The following ATXN1 variants were observed in gnomAD, a reference collection of about 807,000 sequenced individuals.
ATXN1 encodes the protein ataxin-1.
A neutral mutation model predicts 56.4 loss-of-function variants in ATXN1; 8 were observed. That is an observed-to-expected ratio of 0.14 (90% CI 0.08 to 0.26). The LOEUF is 0.26. Among genes scored for constraint, ATXN1 ranks in the 10% least tolerant of loss-of-function variants. The pLI is 1.00. For missense variants in ATXN1, 987 were observed against 1,106.5 expected (o/e 0.89, Z 1.53); for synonymous variants, 514 against 494.6 (o/e 1.04, Z -0.52).
At chr6:16,456,335 A>C (rs778149088) in intron 6 of ATXN1, among the ~76,000 whole-genome samples, 8 of 152,088 alleles carry the variant, frequency 5.3e-5, no homozygotes, top group Non-Finnish European at 1.2e-4. Flanking sequence ...TTTTCCTTAG[A>C]ATTCAGGGGC....
At chr6:16,594,598 T>C (rs2113774236) in intron 3 of ATXN1, among the ~76,000 whole-genome samples, 1 of 152,040 alleles carries the variant, frequency 6.6e-6, no homozygotes, top group African/African-American at 2.4e-5. Flanking sequence ...TTCTCCTGCC[T>C]CAGCCTCCCG....
In ATXN1 at chr6:16,301,699, C is replaced by CA. The variant is rs1760104431; in HGVS notation, c.*4629dup. Reference sequence around the variant, plus strand: ...TTTTCACCTGGTGCAAATTGAAGTGCAAAGGGTTTCAGAAGGCAACAGACC... The same window carrying CA: ...TTTTCACCTGGTGCAAATTGAAGTGCAAAAGGGTTTCAGAAGGCAACAGACC... On this transcript the variant is annotated 3_prime_UTR_variant, in exon 8 of 8. Transcript: ENST00000436367. 2 of 152,462 alleles carry CA rather than the reference C, an allele frequency of 1.3e-5. No individual in the cohort carries two copies. The highest frequency in any genetic ancestry group is 4.8e-5 in the African/African-American group (2 of 41,430). The allele number at this position is 152,462 out of a possible 1,614,324, so 9.4% of individuals were successfully genotyped here.
At chr6:16,542,580 C>A in intron 4 of ATXN1, among the ~76,000 whole-genome samples, 1 of 152,158 alleles carries the variant, frequency 6.6e-6, no homozygotes, top group East Asian at 1.9e-4. Context: ...ACATTCCCAA[C>A]TACTTGGGAG....
intron 6 of ATXN1, among the ~76,000 whole-genome samples, chr6:16,439,619 T>C (rs1159261102): frequency 1.3e-5 from 2 of 152,100 alleles, no homozygotes; most frequent in African/African-American, 4.8e-5. Context: ...AAATAAAAAA[T>C]TGAGCTTGTT....
intron 3 of ATXN1, among the ~76,000 whole-genome samples, chr6:16,600,267 G>A (rs1762889580): frequency 6.6e-6 from 1 of 152,078 alleles, no homozygotes; most frequent in Admixed American, 6.5e-5. Context: ...ACCAATAAAA[G>A]CATCATCCGG....
At chr6:16,432,854 A>G (rs1302810216) in intron 6 of ATXN1, 2 of 152,180 alleles carry the variant, frequency 1.3e-5, no homozygotes, top group Admixed American at 1.3e-4. Flanking sequence ...CTGACATTCA[A>G]ACATTCCAAG....
At chr6:16,355,800 G>C (rs1370287929) in intron 6 of ATXN1, among the ~76,000 whole-genome samples, 1 of 152,126 alleles carries the variant, frequency 6.6e-6, no homozygotes, top group Non-Finnish European at 1.5e-5. Context: ...CTGACCTCAG[G>C]TGATCCACCC....
chr6:16,466,317 C>CAAAAAAA (rs200261208), intron 6 of ATXN1, among the ~76,000 whole-genome samples: 13 of 79,854 alleles, frequency 1.6e-4, no homozygotes, highest in Non-Finnish European at 2.2e-4. Context: ...GACCCCATCT[C>CAAAAAAA]AAAAAAAAAA....
intron 5 of ATXN1, among the ~76,000 whole-genome samples, chr6:16,510,431 A>C (rs1761062233): frequency 6.6e-6 from 1 of 152,238 alleles, no homozygotes; most frequent in Non-Finnish European, 1.5e-5. Context: ...GATCATTGTG[A>C]GTGACTAATG....
intron 6 of ATXN1, among the ~76,000 whole-genome samples, chr6:16,431,131 G>A (rs1759275358): frequency 6.6e-6 from 1 of 152,044 alleles, no homozygotes; most frequent in African/African-American, 2.4e-5. Context: ...TTTTTTGGGG[G>A]AAATGGGTGT....
intron 4 of ATXN1, among the ~76,000 whole-genome samples, chr6:16,574,956 G>A (rs532467219): frequency 1.0e-3 from 159 of 151,880 alleles, no homozygotes; most frequent in African/African-American, 3.8e-3. Context: ...AAGGGGAGGG[G>A]TCAGTTATTT....
At chr6:16,584,476 G>C (rs1036110719) in intron 4 of ATXN1, among the ~76,000 whole-genome samples, 5 of 151,460 alleles carry the variant, frequency 3.3e-5, no homozygotes, top group African/African-American at 1.2e-4. Flanking sequence ...AAAAATACTT[G>C]GCCAGAAAGG....
intron 3 of ATXN1, among the ~76,000 whole-genome samples, chr6:16,602,428 T>G (rs1762927888): frequency 6.6e-6 from 1 of 152,146 alleles, no homozygotes; most frequent in South Asian, 2.1e-4. Context: ...TTCTTTTAAA[T>G]TCTAACATCA....
intron 3 of ATXN1, among the ~76,000 whole-genome samples, chr6:16,610,354 G>C (rs1408727643): frequency 1.3e-5 from 2 of 151,548 alleles, no homozygotes; most frequent in Non-Finnish European, 2.9e-5. Context: ...ATAAATTAAA[G>C]AAAACTTCCA....
intron 6 of ATXN1, among the ~76,000 whole-genome samples, chr6:16,432,125 T>C (rs1411243422): frequency 2.0e-5 from 3 of 152,230 alleles, no homozygotes; most frequent in South Asian, 2.1e-4. Context: ...ATGTACCTTC[T>C]TCCCCTCCTC....
intron 6 of ATXN1, among the ~76,000 whole-genome samples, chr6:16,435,320 A>G (rs1759367413): frequency 6.6e-6 from 1 of 152,146 alleles, no homozygotes; most frequent in African/African-American, 2.4e-5. Flanking sequence ...GGATCCATCA[A>G]GGCACTGTGA....
At chr6:16,754,303 G>A (rs522591) in intron 1 of ATXN1, among the ~76,000 whole-genome samples, 47,256 of 152,024 alleles carry the variant, frequency 0.31, 8,312 homozygotes, top group African/African-American at 0.46. Flanking sequence ...GATTACTGGA[G>A]CTGATCTGCA....
At chr6:16,503,406 C>A (rs1036594080) in intron 5 of ATXN1, among the ~76,000 whole-genome samples, 1 of 152,214 alleles carries the variant, frequency 6.6e-6, no homozygotes, top group Non-Finnish European at 1.5e-5. Context: ...GTTCCCTGCA[C>A]ACACTGCACC....
intron 6 of ATXN1, among the ~76,000 whole-genome samples, chr6:16,338,578 T>G (rs895317646): frequency 6.6e-6 from 1 of 152,234 alleles, no homozygotes; most frequent in Non-Finnish European, 1.5e-5. Context: ...TGTGTAAAGT[T>G]GTAATCTCTG....
Sources: allele counts gnomAD v4.1 joint callset (sites outside exome capture counted in the v4.1 genomes callset), GRCh38; gene constraint gnomAD v4.1.1; transcripts MANE v1.5; gene names NCBI Gene and HGNC (gene_info 2026-07-23, HGNC 2026-07-21).